Variants in GALK2 observed in about 807,000 individuals in gnomAD.
The protein encoded by GALK2 is N-acetylgalactosamine kinase.
A neutral mutation model predicts 52.4 loss-of-function variants in GALK2; 36 were observed. The observed-to-expected ratio is 0.69, with a 90% confidence interval of 0.53 to 0.91. The LOEUF is 0.91. Ranked by LOEUF, GALK2 falls within the 40% of genes least tolerant of loss-of-function variation. The pLI is 0.00. For missense variants in GALK2, 579 were observed against 559.1 expected (o/e 1.04, Z -0.36); for synonymous variants, 176 against 199.1 (o/e 0.88, Z 0.98).
At position 49,224,538 on chromosome 15, in the gene GALK2, T is replaced by G. The variant is rs375684941; in HGVS notation, c.266+7225T>G. Among the ~76,000 whole-genome samples the G allele has an allele frequency of 5.3e-5, 8 of 152,240 alleles. No individual in the cohort carries two copies. The East Asian group carries it at 1.3e-3, about 26-fold the overall frequency. ...AGATAGGGGTCCAGTTTCATTCTACTGCATACGGCTAACCAGTTATACCAG... is the reference window on the plus strand; with the variant it reads ...AGATAGGGGTCCAGTTTCATTCTACGGCATACGGCTAACCAGTTATACCAG... On this transcript the variant is annotated intron_variant, in intron 3 of 9. Transcript: ENST00000560031.
At chr15:49,276,044 C>G (rs2031602762) in intron 5 of GALK2, among the ~76,000 whole-genome samples, 1 of 152,136 alleles carries the variant, frequency 6.6e-6, no homozygotes, top group Non-Finnish European at 1.5e-5. Context: ...GTCCAGAGGG[C>G]AGAAGTCTGA....
chr15:49,324,610 T>A (rs2037179874), intron 9 of GALK2, among the ~76,000 whole-genome samples: 1 of 152,148 alleles, frequency 6.6e-6, no homozygotes, highest in African/African-American at 2.4e-5. Context: ...TGTGGTTTCT[T>A]GACTGTAAAG....
rs950309022 is a variant in GALK2 at position 49,337,564 on chromosome 15, T to C, written c.426+17759T>C. Among the ~76,000 whole-genome samples, 4 of 137,964 alleles carry C rather than the reference T, an allele frequency of 2.9e-5. No homozygotes were observed. The East Asian group carries it at 6.6e-4, about 23-fold the overall frequency. The allele number at this position is 137,964 out of a possible 152,430, so 90.5% of individuals were successfully genotyped here. A position where few individuals can be genotyped will look rare whatever the true frequency, so the allele number is the denominator to read the frequency against. On this transcript the variant is annotated intron_variant, in intron 3 of 3. Transcript: ENST00000558399. ...ATTATACTTTAAGTTCTGGGATACA[T>C]GTGCAGAACATGCAGGTTTGTTACA... is the stretch of plus-strand genomic sequence containing the variant.
intron 3 of GALK2, among the ~76,000 whole-genome samples, chr15:49,348,940 G>A (rs574290227): frequency 7.2e-4 from 109 of 152,242 alleles, no homozygotes; most frequent in African/African-American, 2.3e-3. Flanking sequence ...TCTCCAGAAT[G>A]AGAATTCATA....
chr15:49,172,360 T>A (rs1373329083), intron 1 of GALK2, among the ~76,000 whole-genome samples: 2 of 152,224 alleles, frequency 1.3e-5, no homozygotes, highest in Non-Finnish European at 1.5e-5. Flanking sequence ...AGATAAGCTC[T>A]GCCGTTTTCT....
intron 5 of GALK2, among the ~76,000 whole-genome samples, chr15:49,264,468 C>T (rs923003741): frequency 1.6e-4 from 25 of 152,242 alleles, no homozygotes; most frequent in South Asian, 4.1e-4. Context: ...GTTATACATT[C>T]GTCTAAATTT....
chr15:49,259,950 T>G (rs1311611485), intron 5 of GALK2, among the ~76,000 whole-genome samples: 1 of 151,828 alleles, frequency 6.6e-6, no homozygotes, highest in Admixed American at 6.6e-5. Flanking sequence ...ATGGTGTATA[T>G]GTGCCACATT....
intron 4 of GALK2, among the ~76,000 whole-genome samples, chr15:49,237,078 C>T (rs1455069771): frequency 6.6e-6 from 1 of 152,242 alleles, no homozygotes; most frequent in East Asian, 1.9e-4. Flanking sequence ...GAAGCATTTG[C>T]CTGGCAAATG....
chr15:49,200,592 A>G (rs2087662811), intron 1 of GALK2, among the ~76,000 whole-genome samples: 1 of 152,190 alleles, frequency 6.6e-6, no homozygotes, highest in Admixed American at 6.5e-5. Context: ...AAAGAACACC[A>G]AGGATTGACG....
chr15:49,263,840 G>T (rs961763020), intron 5 of GALK2, among the ~76,000 whole-genome samples: 2 of 146,248 alleles, frequency 1.4e-5, no homozygotes, highest in Non-Finnish European at 3.0e-5. Context: ...GCTTAGTTTG[G>T]CTGGATATGA....
intron 3 of GALK2, among the ~76,000 whole-genome samples, chr15:49,232,237 G>A (rs1164347487): frequency 1.3e-5 from 2 of 152,204 alleles, no homozygotes; most frequent in African/African-American, 4.8e-5. Context: ...CAAGTTTTAT[G>A]GCTTGCACAT....
At chr15:49,247,738 A>T (rs1483416937) in intron 5 of GALK2, among the ~76,000 whole-genome samples, 1 of 152,210 alleles carries the variant, frequency 6.6e-6, no homozygotes. Context: ...GTGAACCCAT[A>T]AGTGTATTTT....
chr15:49,277,596 G>A (rs1039301697), intron 5 of GALK2, among the ~76,000 whole-genome samples: 1 of 149,344 alleles, frequency 6.7e-6, no homozygotes, highest in East Asian at 2.1e-4. Flanking sequence ...AGGAGATTGA[G>A]ACCATCCTGG....
chr15:49,231,930 A>T (rs2090524104), intron 3 of GALK2, among the ~76,000 whole-genome samples: 2 of 152,278 alleles, frequency 1.3e-5, no homozygotes, highest in South Asian at 4.1e-4. Flanking sequence ...CGGCTTTTAC[A>T]TGTGCATGGT....
At chr15:49,256,204 G>A (rs1248722951) in intron 5 of GALK2, among the ~76,000 whole-genome samples, 4 of 152,048 alleles carry the variant, frequency 2.6e-5, no homozygotes, top group Non-Finnish European at 4.4e-5. Flanking sequence ...ATCTTTTAAG[G>A]GGTTTATGCT....
chr15:49,205,834 A>G lies in GALK2; in HGVS notation c.142+4584A>G, dbSNP rs375447666. On this transcript the variant is annotated intron_variant, in intron 2 of 9. Coordinates refer to ENST00000560031, the MANE Select transcript of GALK2 (RefSeq NM_002044.4). ...GCCAATGTCTAGAAGGGTTTATCCA[A>G]TGTTATCTGCTAGAATTTTTTTAGT... 3.9e-4 allele frequency among the ~76,000 whole-genome samples: 59 copies of G among 152,284 alleles called. 3 individuals carry two copies. The East Asian group carries it at 6.2e-3, about 16-fold the overall frequency.
downstream of GALK2, among the ~76,000 whole-genome samples, chr15:49,333,566 G>C (rs774556347): frequency 1.3e-5 from 2 of 152,168 alleles, no homozygotes; most frequent in Non-Finnish European, 1.5e-5. Flanking sequence ...AGAAAGCTGG[G>C]TGATAAAGTT....
chr15:49,264,641 G>A (rs2092285302), intron 5 of GALK2, among the ~76,000 whole-genome samples: 1 of 152,150 alleles, frequency 6.6e-6, no homozygotes, highest in African/African-American at 2.4e-5. Flanking sequence ...TGGAGGAGGA[G>A]AGGCGCTCTG....
At chr15:49,339,344 T>C (rs1005129538) in intron 3 of GALK2, among the ~76,000 whole-genome samples, 2 of 152,224 alleles carry the variant, frequency 1.3e-5, no homozygotes, top group Non-Finnish European at 2.9e-5. Flanking sequence ...TTGATGTTGA[T>C]ATTATTCCTT....
Sources: gnomAD v4.1 joint callset for allele counts (sites outside exome capture counted in the v4.1 genomes callset) on GRCh38, gnomAD v4.1.1 for gene constraint, MANE v1.5 for transcripts, NCBI Gene and HGNC (gene_info 2026-07-23, HGNC 2026-07-21) for gene names.